The following ANTXR2 variants were observed in gnomAD, a reference collection of about 807,000 sequenced individuals.
The protein encoded by ANTXR2 is ANTXR cell adhesion molecule 2, also known as anthrax toxin receptor 2.
Under a neutral mutation model 73.7 loss-of-function variants are expected in ANTXR2, and 44 were observed. That is an observed-to-expected ratio of 0.60 (90% CI 0.47 to 0.77). The LOEUF is 0.77. Ranked by LOEUF, ANTXR2 falls within the 30% of genes least tolerant of loss-of-function variation. ANTXR2 has a pLI of 0.00. For synonymous variants in ANTXR2, 217 were observed against 205.9 expected (o/e 1.05, Z -0.46); for missense variants, 604 against 592.5 (o/e 1.02, Z -0.20).
chr4:79,955,425 T>G (rs1352036932), intron 16 of ANTXR2, among the ~76,000 whole-genome samples: 3 of 152,092 alleles, frequency 2.0e-5, no homozygotes, highest in Non-Finnish European at 4.4e-5. Flanking sequence ...AAATATTTAT[T>G]TATTCATTAT....
chr4:79,915,845 T>C lies in ANTXR2; in HGVS notation c.1429-8378A>G, dbSNP rs1297049816. On this transcript the variant is annotated intron_variant, in intron 16 of 16. Coordinates refer to ENST00000403729, the MANE Select transcript of ANTXR2 (RefSeq NM_058172.6). ...GTCTCTCTCCCTCTCTCTCTCTCTC[T>C]CTCTCTCTCTCTCTCTCTATATATA... Among the ~76,000 whole-genome samples the C allele has an allele frequency of 4.1e-5, 5 of 121,426 alleles. No homozygotes were observed. The South Asian group carries it at 1.4e-3, about 33-fold the overall frequency. The allele number at this position is 121,426 out of a possible 152,430, so 79.7% of individuals were successfully genotyped here. A position where few individuals can be genotyped will look rare whatever the true frequency, so the allele number is the denominator to read the frequency against.
At chr4:80,049,942 T>G (rs1733699048) in intron 7 of ANTXR2, among the ~76,000 whole-genome samples, 1 of 151,726 alleles carries the variant, frequency 6.6e-6, no homozygotes, top group East Asian at 1.9e-4. Context: ...ACCTGGAGGT[T>G]TAGCCCCACC....
At chr4:80,065,666 G>C (rs992123730) in intron 3 of ANTXR2, among the ~76,000 whole-genome samples, 1 of 152,120 alleles carries the variant, frequency 6.6e-6, no homozygotes, top group Admixed American at 6.5e-5. Context: ...ACATAGTACC[G>C]GATGCCATGC....
intron 8 of ANTXR2, among the ~76,000 whole-genome samples, chr4:80,034,356 G>A (rs1339662609): frequency 6.6e-6 from 1 of 152,082 alleles, no homozygotes; most frequent in African/African-American, 2.4e-5. Context: ...TTATTTAAAA[G>A]GTAAATTGAA....
intron 16 of ANTXR2, among the ~76,000 whole-genome samples, chr4:79,927,047 G>A (rs886234984): frequency 3.8e-5 from 3 of 78,120 alleles, no homozygotes; most frequent in African/African-American, 9.1e-5. Context: ...GTATATATAT[G>A]TGCGTGTGTG....
intron 2 of ANTXR2, among the ~76,000 whole-genome samples, chr4:80,070,258 T>C (rs1216428346): frequency 1.3e-5 from 2 of 152,232 alleles, no homozygotes; most frequent in Non-Finnish European, 2.9e-5. Context: ...TCTTCATTAG[T>C]CACCCCTTAT....
At chr4:80,054,213 T>A (rs1733882329) in intron 7 of ANTXR2, 59 bp downstream of exon 7, 2 of 1,352,814 alleles carry the variant, frequency 1.5e-6, no homozygotes, top group Admixed American at 4.3e-5. Context: ...GATTACTTCT[T>A]ATAGATTAAA....
chr4:80,037,936 A>G (rs1440851291), intron 7 of ANTXR2, among the ~76,000 whole-genome samples: 1 of 152,142 alleles, frequency 6.6e-6, no homozygotes, highest in Non-Finnish European at 1.5e-5. Flanking sequence ...GTCTGTCATC[A>G]GTCCTGAAGG....
chr4:80,057,417 G>A (rs578075086), intron 3 of ANTXR2, among the ~76,000 whole-genome samples: 96 of 151,984 alleles, frequency 6.3e-4, no homozygotes, highest in African/African-American at 2.0e-3. Flanking sequence ...CCTTATATAC[G>A]TTTTAAAAGT....
chr4:80,005,534 C>A (rs1418306908), intron 12 of ANTXR2, among the ~76,000 whole-genome samples: 2 of 151,902 alleles, frequency 1.3e-5, no homozygotes, highest in African/African-American at 4.8e-5. Context: ...AGATAAACAC[C>A]CTGCGATTGT....
chr4:80,041,417 C>G (rs1451217939), intron 7 of ANTXR2, among the ~76,000 whole-genome samples: 1 of 151,882 alleles, frequency 6.6e-6, no homozygotes, highest in Admixed American at 6.6e-5. Flanking sequence ...TAAGCTTTTG[C>G]TTTTATTTGT....
chr4:79,985,514 C>G (rs1730103451), intron 12 of ANTXR2, among the ~76,000 whole-genome samples: 1 of 152,138 alleles, frequency 6.6e-6, no homozygotes, highest in Admixed American at 6.5e-5. Context: ...CCAAGACCAT[C>G]AAGCTGTGAG....
intron 16 of ANTXR2, among the ~76,000 whole-genome samples, chr4:79,961,187 T>C (rs1729126271): frequency 6.6e-6 from 1 of 152,036 alleles, no homozygotes; most frequent in Non-Finnish European, 1.5e-5. Context: ...TGTAGATTTC[T>C]GTAAATTATT....
chr4:79,982,258 C>T (rs1460731145), intron 14 of ANTXR2, among the ~76,000 whole-genome samples: 1 of 152,052 alleles, frequency 6.6e-6, no homozygotes, highest in African/African-American at 2.4e-5. Context: ...TGAAGTAGTA[C>T]ATGCTCACTG....
rs1305961710 is a variant in ANTXR2 at position 80,055,120 on chromosome 4, A to T, written c.555+30T>A. ...TCCTTAAGACAATTATGTGGTTCAG[A>T]TTAAAGTTTGCAGATCTCTTGTAAC... On this transcript the variant is annotated intron_variant, in intron 6 of 16. Coordinates refer to ENST00000403729, the MANE Select transcript of ANTXR2 (RefSeq NM_058172.6). The T allele has an allele frequency of 3.9e-6, 6 of 1,527,698 alleles. No individual in the cohort carries two copies. In the African/African-American group the frequency reaches 6.9e-5, roughly 18 times the overall value. The allele number at this position is 1,527,698 out of a possible 1,614,324, so 94.6% of individuals were successfully genotyped here.
At chr4:80,044,994 T>C (rs1460718247) in intron 7 of ANTXR2, among the ~76,000 whole-genome samples, 1 of 151,800 alleles carries the variant, frequency 6.6e-6, no homozygotes, top group African/African-American at 2.4e-5. Flanking sequence ...TGTAAAAAGA[T>C]ACAGAGCTTA....
At chr4:79,907,532 C>T in intron 16 of ANTXR2, 65 bp from the exon 17 acceptor site, 1 of 1,467,414 alleles carries the variant, frequency 6.8e-7, no homozygotes, top group Admixed American at 1.7e-5. Context: ...ATGAGAACAT[C>T]TAGTTTTCCT....
At position 80,069,561 on chromosome 4, in the gene ANTXR2, C is replaced by T. The variant is rs541442440; in HGVS notation, c.225-54G>A. On this transcript the variant is annotated intron_variant, in intron 2 of 16. Transcript: ENST00000403729. The stretch of plus-strand genomic sequence containing the variant: ...ACATTTTTAAAAAGAAATATTGATA[C>T]GATACAGATGTATAGTTAGGGAGGT... 9.8e-5 allele frequency: 134 copies of T among 1,362,092 alleles called. 1 individual carries two copies. The African/African-American group carries it at 1.5e-3, about 15-fold the overall frequency. The allele number at this position is 1,362,092 out of a possible 1,614,324, so 84.4% of individuals were successfully genotyped here.
intron 7 of ANTXR2, among the ~76,000 whole-genome samples, chr4:80,041,247 TTCCACCACCC>T (rs932917225): frequency 3.9e-5 from 6 of 152,032 alleles, no homozygotes; most frequent in Non-Finnish European, 7.4e-5. Flanking sequence ...AGCCAGCACC[TTCCACCACCC>T]TCCAGGTTTG....
Sources: allele counts gnomAD v4.1 joint callset (sites outside exome capture counted in the v4.1 genomes callset), GRCh38; gene constraint gnomAD v4.1.1; transcripts MANE v1.5; gene names NCBI Gene and HGNC (gene_info 2026-07-23, HGNC 2026-07-21).